Variants in MAGI2 observed in about 807,000 individuals in gnomAD.
MAGI2 encodes membrane associated guanylate kinase, WW and PDZ domain containing 2.
A neutral mutation model predicts 133.3 loss-of-function variants in MAGI2; 35 were observed. That is an observed-to-expected ratio of 0.26 (90% CI 0.20 to 0.35). The LOEUF is 0.35. Among genes scored for constraint, MAGI2 ranks in the 10% least tolerant of loss-of-function variants. MAGI2 has a pLI of 1.00. For missense variants in MAGI2, 1,636 were observed against 1,863.4 expected, an observed-to-expected ratio of 0.88 and a Z score of 2.25; for synonymous variants, 729 against 710.6, an observed-to-expected ratio of 1.03 and a Z score of -0.41.
At chr7:78,342,428 T>A (rs1293289954) in intron 9 of MAGI2, among the ~76,000 whole-genome samples, 2 of 152,126 alleles carry the variant, frequency 1.3e-5, no homozygotes, top group East Asian at 3.9e-4. Flanking sequence ...AGAACCAGAA[T>A]TACCATTTGA....
At chr7:79,344,335 G>A (rs1468754386) in intron 1 of MAGI2, among the ~76,000 whole-genome samples, 1 of 152,086 alleles carries the variant, frequency 6.6e-6, no homozygotes, top group Non-Finnish European at 1.5e-5. Context: ...TAGCTAGGGA[G>A]GTAAGACATA....
chr7:79,046,704 T>G (rs751388551), intron 1 of MAGI2, among the ~76,000 whole-genome samples: 3 of 152,212 alleles, frequency 2.0e-5, no homozygotes, highest in Non-Finnish European at 2.9e-5. Context: ...TTGCTTTTTC[T>G]ACTGCATCAT....
At chr7:78,159,039 A>T (rs1273136007) in intron 16 of MAGI2, among the ~76,000 whole-genome samples, 1 of 151,980 alleles carries the variant, frequency 6.6e-6, no homozygotes, top group African/African-American at 2.4e-5. Context: ...TCTCCAACCC[A>T]ACCACATCAG....
At chr7:78,193,760 A>C (rs1828454562) in intron 12 of MAGI2, among the ~76,000 whole-genome samples, 1 of 147,252 alleles carries the variant, frequency 6.8e-6, no homozygotes, top group Admixed American at 6.8e-5. Context: ...AAAAAAAAAA[A>C]GTATATGTGG....
intron 2 of MAGI2, among the ~76,000 whole-genome samples, chr7:78,822,348 T>A (rs1790199683): frequency 3.3e-5 from 5 of 152,088 alleles, no homozygotes; most frequent in Admixed American, 3.3e-4. Context: ...TTTGTTAACT[T>A]TTATGGGAAA....
rs192180105 is a variant in MAGI2 at position 78,647,799 on chromosome 7, T to C, written c.419-20560A>G. Among the ~76,000 whole-genome samples the C allele has an allele frequency of 1.2e-4, 19 of 152,288 alleles. No individual in the cohort carries two copies. In the East Asian group the frequency reaches 2.7e-3, roughly 22 times the overall value. On this transcript the variant is annotated intron_variant, in intron 2 of 21. Transcript: ENST00000354212. ...AAGAAAATGTGGCCCATATACACCA[T>C]GGAATACTATGCAGCCATAAAAAAG...
At chr7:79,251,386 A>G (rs1022646397) in intron 1 of MAGI2, among the ~76,000 whole-genome samples, 1 of 152,188 alleles carries the variant, frequency 6.6e-6, no homozygotes, top group East Asian at 1.9e-4. Flanking sequence ...AAACAACTCT[A>G]TAGAAAAAAA....
intron 1 of MAGI2, among the ~76,000 whole-genome samples, chr7:79,076,816 T>A (rs947582391): frequency 1.3e-5 from 2 of 152,206 alleles, no homozygotes; most frequent in Non-Finnish European, 2.9e-5. Context: ...AGGTAAAATA[T>A]TGTGGTGGAC....
chr7:79,304,738 T>A (rs1337919041), intron 1 of MAGI2, among the ~76,000 whole-genome samples: 1 of 152,198 alleles, frequency 6.6e-6, no homozygotes, highest in Non-Finnish European at 1.5e-5. Context: ...TCTAATTCCC[T>A]CTCAGCTTCT....
intron 6 of MAGI2, among the ~76,000 whole-genome samples, chr7:78,461,393 CGTGTGTGT>C (rs10654835): frequency 0.071 from 9,808 of 138,098 alleles, 502 homozygotes; most frequent in African/African-American, 0.15. Flanking sequence ...CGTGTGTGTG[CGTGTGTGT>C]GTGTGTGTGT....
chr7:78,066,744 G>A (rs553086234), intron 21 of MAGI2, among the ~76,000 whole-genome samples: 1 of 152,296 alleles, frequency 6.6e-6, no homozygotes, highest in South Asian at 2.1e-4. Flanking sequence ...GGCAACAACT[G>A]CTTCCTGCAC....
At chr7:78,363,518 AT>A (rs1793066353) in intron 7 of MAGI2, among the ~76,000 whole-genome samples, 1 of 149,486 alleles carries the variant, frequency 6.7e-6, no homozygotes, top group Non-Finnish European at 1.5e-5. Flanking sequence ...AATGATAATA[AT>A]AATAATAATA....
intron 1 of MAGI2, chr7:79,351,701 A>T (rs1291992164): frequency 6.6e-6 from 1 of 152,226 alleles, no homozygotes; most frequent in Non-Finnish European, 1.5e-5. Context: ...AAACTTTAAA[A>T]GCACGTCAAT....
intron 1 of MAGI2, among the ~76,000 whole-genome samples, chr7:79,281,893 C>T (rs189507070): frequency 6.1e-4 from 93 of 152,192 alleles, no homozygotes; most frequent in African/African-American, 2.1e-3. Flanking sequence ...ATCAGCTTCC[C>T]ACTTTTAATT....
chr7:78,824,956 T>C (rs1450276349), intron 2 of MAGI2, among the ~76,000 whole-genome samples: 1 of 151,854 alleles, frequency 6.6e-6, no homozygotes, highest in East Asian at 1.9e-4. Flanking sequence ...CTCAGCAAAC[T>C]AACACAGGAA....
chr7:78,120,351 C>G (rs567834089), intron 20 of MAGI2, among the ~76,000 whole-genome samples: 31 of 152,162 alleles, frequency 2.0e-4, no homozygotes, highest in Admixed American at 1.7e-3. Flanking sequence ...TGCAGTGAGC[C>G]GAGATTGTGC....
At chr7:78,188,379 C>A (rs1827892466) in intron 12 of MAGI2, among the ~76,000 whole-genome samples, 1 of 152,084 alleles carries the variant, frequency 6.6e-6, no homozygotes. Context: ...AGCTGAAAGG[C>A]AAATTTTTTT....
intron 1 of MAGI2, among the ~76,000 whole-genome samples, chr7:79,276,389 C>T (rs1017802727): frequency 2.6e-5 from 4 of 152,150 alleles, no homozygotes; most frequent in East Asian, 1.9e-4. Context: ...GCAACCACCA[C>T]CCTGATCAGC....
intron 6 of MAGI2, among the ~76,000 whole-genome samples, chr7:78,452,681 T>C (rs1265185559): frequency 1.3e-5 from 2 of 151,616 alleles, no homozygotes; most frequent in Non-Finnish European, 1.5e-5. Context: ...TTAAGAAATA[T>C]AGAGAAAAAT....
Sources: gnomAD v4.1 joint callset for allele counts (sites outside exome capture counted in the v4.1 genomes callset) on GRCh38, gnomAD v4.1.1 for gene constraint, MANE v1.5 for transcripts, NCBI Gene and HGNC (gene_info 2026-07-23, HGNC 2026-07-21) for gene names.